MAD1L1: variants seen among roughly 807,000 people sequenced by gnomAD.
The protein encoded by MAD1L1 is mitotic arrest deficient 1 like 1.
In MAD1L1, 95 loss-of-function variants were observed where a neutral mutation model predicts 96.9. The ratio of observed to expected loss-of-function variants is 0.98; its 90% CI spans 0.83 to 1.16. The LOEUF (loss-of-function observed/expected upper bound fraction) is 1.16. MAD1L1 is among the 50% of genes most tolerant of loss of function. The probability of loss-of-function intolerance (pLI) is 0.00; values close to 1 mark genes in which losing one functional copy is unlikely to be tolerated. For synonymous variants in MAD1L1, 473 were observed against 396.6 expected, an observed-to-expected ratio of 1.19 and a Z score of -2.29; for missense variants, 1,007 against 954.4, an observed-to-expected ratio of 1.06 and a Z score of -0.73.
intron 12 of MAD1L1, among the ~76,000 whole-genome samples, chr7:2,033,356 A>G (rs1783319186): frequency 6.6e-6 from 1 of 152,204 alleles, no homozygotes; most frequent in African/African-American, 2.4e-5. Context: ...AACAAGATGG[A>G]TACTCCATGG....
At chr7:2,092,510 A>G (rs1344724539) in intron 11 of MAD1L1, among the ~76,000 whole-genome samples, 1 of 151,514 alleles carries the variant, frequency 6.6e-6, no homozygotes, top group African/African-American at 2.4e-5. Flanking sequence ...TCCCTCACAC[A>G]CCTGCCCTCT....
chr7:1,974,657 C>T (rs1052541016), intron 15 of MAD1L1, among the ~76,000 whole-genome samples: 22 of 152,148 alleles, frequency 1.4e-4, no homozygotes, highest in African/African-American at 3.4e-4. Context: ...GAAAACTATT[C>T]GAAAATCCAA....
intron 11 of MAD1L1, among the ~76,000 whole-genome samples, chr7:2,138,023 T>C (rs1234313891): frequency 2.0e-5 from 3 of 152,222 alleles, no homozygotes; most frequent in Non-Finnish European, 4.4e-5. Flanking sequence ...GTTTCTGTAC[T>C]GACAGCGCGG....
intron 3 of MAD1L1, among the ~76,000 whole-genome samples, chr7:2,226,619 G>C (rs1236923630): frequency 6.6e-6 from 1 of 152,224 alleles, no homozygotes; most frequent in Non-Finnish European, 1.5e-5. Flanking sequence ...ACGTGGCCCA[G>C]AGCCTTGCAG....
intron 10 of MAD1L1, among the ~76,000 whole-genome samples, chr7:2,172,814 A>C (rs1368668252): frequency 6.6e-6 from 1 of 152,238 alleles, no homozygotes; most frequent in Non-Finnish European, 1.5e-5. Flanking sequence ...CTGGAGCCCC[A>C]GATGGGCTCC....
At chr7:2,170,851 G>A (rs977864366) in intron 10 of MAD1L1, among the ~76,000 whole-genome samples, 8 of 152,184 alleles carry the variant, frequency 5.3e-5, no homozygotes, top group Non-Finnish European at 8.8e-5. Flanking sequence ...GGTGCCTGCC[G>A]TGGGTACTGA....
rs1188800562 is a variant in MAD1L1, at chr7:1,898,133, G to T, written c.1998+67C>A. The T allele has an allele frequency of 1.3e-5, 20 of 1,496,636 alleles. No homozygotes were observed. The Admixed American group carries it at 3.5e-4, about 26-fold the overall frequency. 92.7% of individuals were successfully genotyped at this position (1,496,636 alleles called of 1,614,324 possible). On this transcript the variant is annotated intron_variant, in intron 18 of 18. Coordinates refer to ENST00000265854, the MANE Select transcript of MAD1L1 (RefSeq NM_001013836.2). ...GGCTGCTCCTTTGCTGAGGGCTACG[G>T]TCGGATCTCCCCACAGGAGGAGACA...
chr7:2,085,118 T>C (rs942698034), intron 11 of MAD1L1, among the ~76,000 whole-genome samples: 1 of 152,184 alleles, frequency 6.6e-6, no homozygotes, highest in Non-Finnish European at 1.5e-5. Context: ...TGACAGTGAC[T>C]ACACTGTTCG....
intron 11 of MAD1L1, among the ~76,000 whole-genome samples, chr7:2,097,748 A>T (rs1786567297): frequency 2.6e-5 from 4 of 152,200 alleles, no homozygotes; most frequent in Non-Finnish European, 2.9e-5. Flanking sequence ...CCGGACCAGC[A>T]GGGAGTGGTG....
chr7:1,958,228 C>T (rs1172807295), intron 15 of MAD1L1, among the ~76,000 whole-genome samples: 3 of 152,304 alleles, frequency 2.0e-5, no homozygotes, highest in African/African-American at 7.2e-5. Flanking sequence ...AACAAAAGCA[C>T]GCTTCCAGGC....
chr7:2,133,919 G>A (rs550139794), intron 11 of MAD1L1, among the ~76,000 whole-genome samples: 9 of 152,268 alleles, frequency 5.9e-5, no homozygotes, highest in African/African-American at 9.6e-5. Context: ...CATCAACAGC[G>A]CACCACCTTG....
intron 17 of MAD1L1, among the ~76,000 whole-genome samples, chr7:1,918,512 C>T (rs1583783425): frequency 6.6e-6 from 1 of 152,140 alleles, no homozygotes. Context: ...GCATGGGGGG[C>T]GCCCAGTCCA....
intron 18 of MAD1L1, among the ~76,000 whole-genome samples, chr7:1,890,412 C>T (rs1254963259): frequency 2.6e-5 from 4 of 152,378 alleles, no homozygotes; most frequent in South Asian, 4.1e-4. Context: ...CCTTTGGCCT[C>T]CTGCCATGTG....
At chr7:2,194,840 G>A (rs969403817) in intron 10 of MAD1L1, among the ~76,000 whole-genome samples, 28 of 152,094 alleles carry the variant, frequency 1.8e-4, no homozygotes, top group African/African-American at 4.8e-4. Context: ...TTGGGAGGCC[G>A]AGGAAGGCAG....
chr7:1,952,742 TC>T (rs778139492), intron 16 of MAD1L1, among the ~76,000 whole-genome samples: 2 of 152,116 alleles, frequency 1.3e-5, no homozygotes, highest in African/African-American at 4.8e-5. Flanking sequence ...GAGGAGCACT[TC>T]CCGAGGCCAC....
At chr7:1,939,406 G>A (rs1446438159) in intron 16 of MAD1L1, among the ~76,000 whole-genome samples, 3 of 152,258 alleles carry the variant, frequency 2.0e-5, no homozygotes, top group Non-Finnish European at 4.4e-5. Flanking sequence ...GCCAAGTGCT[G>A]AGATTCTGCA....
At chr7:2,001,774 C>G (rs1012391978) in intron 14 of MAD1L1, among the ~76,000 whole-genome samples, 2 of 152,224 alleles carry the variant, frequency 1.3e-5, no homozygotes, top group African/African-American at 4.8e-5. Context: ...CTCACACCTG[C>G]TTTGCCCCGA....
chr7:2,231,253 G>A (rs1197590544), intron 1 of MAD1L1, among the ~76,000 whole-genome samples: 1 of 152,046 alleles, frequency 6.6e-6, no homozygotes, highest in Non-Finnish European at 1.5e-5. Flanking sequence ...ACCTGAGACC[G>A]CACCACTGCA....
At chr7:1,913,422 C>T (rs561968205) in intron 17 of MAD1L1, among the ~76,000 whole-genome samples, 4 of 82,220 alleles carry the variant, frequency 4.9e-5, no homozygotes, top group South Asian at 4.2e-4. Flanking sequence ...GGAATCCGCG[C>T]GTGCACGCCC....
Sources: allele counts gnomAD v4.1 joint callset (sites outside exome capture counted in the v4.1 genomes callset), GRCh38; gene constraint gnomAD v4.1.1; transcripts MANE v1.5; gene names NCBI Gene and HGNC (gene_info 2026-07-23, HGNC 2026-07-21).